MRAS: variants seen among roughly 807,000 people sequenced by gnomAD.
MRAS encodes muscle RAS oncogene homolog.
MRAS carries 4 observed loss-of-function variants against 20.9 expected under a neutral mutation model. The observed-to-expected ratio is 0.19, with a 90% CI of 0.09 to 0.44. The LOEUF (loss-of-function observed/expected upper bound fraction) is 0.44. Ranked by LOEUF, MRAS falls within the 20% of genes least tolerant of loss-of-function variation. The pLI is 0.99. For synonymous variants in MRAS, 98 were observed against 102.9 expected (o/e 0.95, Z 0.29); for missense variants, 154 against 277.5 (o/e 0.56, Z 3.16).
intron 1 of MRAS, among the ~76,000 whole-genome samples, chr3:138,351,595 G>A (rs568347561): frequency 6.6e-6 from 1 of 152,296 alleles, no homozygotes; most frequent in South Asian, 2.1e-4. Context: ...CTGTAGTACT[G>A]AATCAATGGG....
At chr3:138,371,880 C>T (rs2054681472) in intron 1 of MRAS, among the ~76,000 whole-genome samples, 1 of 152,124 alleles carries the variant, frequency 6.6e-6, no homozygotes, top group Admixed American at 6.5e-5. Context: ...CTGAGTGCCT[C>T]CAGGAGGCTC....
At chr3:138,373,759 T>G (rs538097938) in intron 2 of MRAS, among the ~76,000 whole-genome samples, 2 of 152,330 alleles carry the variant, frequency 1.3e-5, no homozygotes, top group East Asian at 3.9e-4. Context: ...TAGCATCAGT[T>G]AAATTCTAAA....
chr3:138,395,102 G>A (rs900363323), intron 2 of MRAS, among the ~76,000 whole-genome samples: 2 of 151,544 alleles, frequency 1.3e-5, no homozygotes, highest in African/African-American at 2.4e-5. Flanking sequence ...GTGCAGTGGC[G>A]CTATCTCAGC....
At chr3:138,348,289 T>A (rs1198898208), upstream of MRAS, 2 of 152,196 alleles carry the variant, frequency 1.3e-5, no homozygotes, top group Non-Finnish European at 2.9e-5. Context: ...GGCGTCCACC[T>A]TAAAGCCAGC....
At chr3:138,352,577 T>C (rs1369548570) in intron 1 of MRAS, among the ~76,000 whole-genome samples, 1 of 152,168 alleles carries the variant, frequency 6.6e-6, no homozygotes, top group African/African-American at 2.4e-5. Flanking sequence ...TCTTTAATAT[T>C]CTTGGTAGCT....
chr3:138,360,773 T>C (rs2054430745), intron 1 of MRAS, among the ~76,000 whole-genome samples: 1 of 152,140 alleles, frequency 6.6e-6, no homozygotes, highest in Non-Finnish European at 1.5e-5. Flanking sequence ...AGCAGACACG[T>C]TGGAGCGTCT....
chr3:138,363,836 A>AACCAC (rs1311673531), intron 1 of MRAS, among the ~76,000 whole-genome samples: 4 of 23,204 alleles, frequency 1.7e-4, no homozygotes, highest in Admixed American at 5.2e-4. Context: ...CCCCCCCCCA[A>AACCAC]ACCACAGGGT....
At chr3:138,397,722 T>G (rs1337616998) in intron 3 of MRAS, among the ~76,000 whole-genome samples, 1 of 152,234 alleles carries the variant, frequency 6.6e-6, no homozygotes, top group African/African-American at 2.4e-5. Context: ...GAACAAGCTT[T>G]GAGCAAATTC....
At chr3:138,359,557 C>CA (rs1276766940) in intron 1 of MRAS, among the ~76,000 whole-genome samples, 1 of 152,208 alleles carries the variant, frequency 6.6e-6, no homozygotes, top group African/African-American at 2.4e-5. Context: ...TGGTGTCTAA[C>CA]ATCTTAAATA....
At chr3:138,359,228 A>G (rs1468473205) in intron 1 of MRAS, among the ~76,000 whole-genome samples, 2 of 152,048 alleles carry the variant, frequency 1.3e-5, no homozygotes, top group South Asian at 4.2e-4. Context: ...GTGGGCTTAA[A>G]ACCCTGGGAT....
At chr3:138,399,476 A>C (rs1194671426) in intron 4 of MRAS, among the ~76,000 whole-genome samples, 2 of 152,162 alleles carry the variant, frequency 1.3e-5, no homozygotes, top group Non-Finnish European at 2.9e-5. Flanking sequence ...ATGGGAAGAT[A>C]CTGACTGGTT....
chr3:138,376,434 G>A (rs1361596328), intron 2 of MRAS, among the ~76,000 whole-genome samples: 1 of 152,124 alleles, frequency 6.6e-6, no homozygotes, highest in Non-Finnish European at 1.5e-5. Flanking sequence ...CTGAGAGCAG[G>A]GACTTTATTT....
chr3:138,398,683 T>TTA, intron 4 of MRAS, 115 bp downstream of exon 4: 1 of 869,382 alleles, frequency 1.2e-6, no homozygotes, highest in Non-Finnish European at 1.8e-6. Flanking sequence ...AGGGCTCCCC[T>TTA]TAGTTTAAGT....
chr3:138,349,062 A>T (rs1292443681), intron 1 of MRAS: 1 of 132,412 alleles, frequency 7.6e-6, no homozygotes, highest in Non-Finnish European at 1.6e-5. Flanking sequence ...TGCCTGGGCG[A>T]GAACCCGGTG....
intron 1 of MRAS, among the ~76,000 whole-genome samples, chr3:138,354,103 TG>T (rs2054282537): frequency 6.6e-6 from 1 of 152,044 alleles, no homozygotes; most frequent in East Asian, 1.9e-4. Context: ...CACAAAGATG[TG>T]GTGAGGCAGC....
chr3:138,351,550 C>T (rs895910734), intron 1 of MRAS, among the ~76,000 whole-genome samples: 1 of 152,214 alleles, frequency 6.6e-6, no homozygotes, highest in African/African-American at 2.4e-5. Context: ...GAGTCCCTGT[C>T]AGCCCTCCTA....
chr3:138,349,061 G>T (rs2054173116), intron 1 of MRAS: 1 of 143,232 alleles, frequency 7.0e-6, no homozygotes, highest in Non-Finnish European at 1.5e-5. Flanking sequence ...CTGCCTGGGC[G>T]AGAACCCGGT....
At chr3:138,399,143 C>T (rs9872754) in intron 4 of MRAS, among the ~76,000 whole-genome samples, 17,785 of 152,240 alleles carry the variant, frequency 0.12, 1,183 homozygotes, top group Non-Finnish European at 0.16. Context: ...AAAGTGTGCC[C>T]AGTTCAAACC....
intron 1 of MRAS, among the ~76,000 whole-genome samples, chr3:138,361,958 C>G (rs2054457570): frequency 6.6e-6 from 1 of 152,174 alleles, no homozygotes; most frequent in South Asian, 2.1e-4. Context: ...GCTGCCACTC[C>G]AAGAAGTTGT....
Sources: allele counts gnomAD v4.1 joint callset (sites outside exome capture counted in the v4.1 genomes callset), GRCh38; gene constraint gnomAD v4.1.1; transcripts MANE v1.5; gene names NCBI Gene and HGNC (gene_info 2026-07-23, HGNC 2026-07-21).